STX7: variants seen among roughly 807,000 people sequenced by gnomAD.
The protein encoded by STX7 is syntaxin 7, also known as syntaxin-7.
STX7 carries 34 observed loss-of-function variants against 39.6 expected under a neutral mutation model. That is an observed-to-expected ratio of 0.86 (90% CI 0.65 to 1.14). STX7 has a LOEUF of 1.14. STX7 is among the 50% of genes most tolerant of loss of function. The pLI is 0.00. For synonymous variants in STX7, 119 were observed against 99.1 expected (o/e 1.20, Z -1.19); for missense variants, 284 against 310.4 (o/e 0.92, Z 0.64).
chr6:132,468,799 T>C (rs1774630002), intron 7 of STX7, among the ~76,000 whole-genome samples: 1 of 152,226 alleles, frequency 6.6e-6, no homozygotes, highest in Non-Finnish European at 1.5e-5. Flanking sequence ...TACAACCTGA[T>C]AGTTTTGTTA....
At chr6:132,502,627 C>T (rs185992185) in intron 2 of STX7, among the ~76,000 whole-genome samples, 22 of 147,850 alleles carry the variant, frequency 1.5e-4, no homozygotes, top group African/African-American at 4.4e-4. Flanking sequence ...TGGCCGGGCG[C>T]GGTGGCTCAC....
intron 1 of STX7, among the ~76,000 whole-genome samples, chr6:132,510,163 A>C (rs2114491980): frequency 6.6e-6 from 1 of 152,326 alleles, no homozygotes; most frequent in East Asian, 1.9e-4. Flanking sequence ...AGTGTTCTAT[A>C]CCCCTAAAAG....
rs1774170569 is a variant in STX7 at position 132,453,245 on chromosome 6, A to T, written c.*7513T>A. ...ACCTAAGTCTCACATTTTATACAAA[A>T]TTAACTGAAAATGGAATATAGACTT... On this transcript the variant is annotated 3_prime_UTR_variant, in exon 10 of 10. Coordinates refer to ENST00000367941, the MANE Select transcript of STX7 (RefSeq NM_003569.3). 1 of 152,178 alleles carries T rather than the reference A, an allele frequency of 6.6e-6. No individual in the cohort carries two copies. The highest frequency in any genetic ancestry group is 2.4e-5 in the African/African-American group (1 of 41,452). The allele number at this position is 152,178 out of a possible 1,614,324, so 9.4% of individuals were successfully genotyped here.
intron 1 of STX7, among the ~76,000 whole-genome samples, chr6:132,504,591 T>C (rs1328793746): frequency 6.6e-6 from 1 of 152,220 alleles, no homozygotes; most frequent in East Asian, 1.9e-4. Context: ...GCTAGCTCTC[T>C]ACTAAGAGCC....
chr6:132,463,206 T>C (rs1282886581), intron 9 of STX7, among the ~76,000 whole-genome samples: 1 of 151,726 alleles, frequency 6.6e-6, no homozygotes, highest in African/African-American at 2.4e-5. Context: ...AGACTCTGTG[T>C]CAAAAAAAAA....
chr6:132,493,885 A>G (rs1480052170), intron 2 of STX7, among the ~76,000 whole-genome samples: 1 of 152,244 alleles, frequency 6.6e-6, no homozygotes, highest in Non-Finnish European at 1.5e-5. Context: ...CTCACAGGGC[A>G]GTTGAGTAGC....
At chr6:132,466,111 G>C (rs372541947) in intron 8 of STX7, among the ~76,000 whole-genome samples, 4 of 152,160 alleles carry the variant, frequency 2.6e-5, no homozygotes, top group Admixed American at 1.3e-4. Flanking sequence ...ATTCTCTCTT[G>C]AGCCTACTTT....
At chr6:132,473,520 G>GT (rs398066285) in intron 3 of STX7, among the ~76,000 whole-genome samples, 34,867 of 136,082 alleles carry the variant, frequency 0.26, 4,527 homozygotes, top group African/African-American at 0.3. Flanking sequence ...TTATTGTGTT[G>GT]TTTTTTTTTT....
At chr6:132,489,792 T>C (rs1005363920) in intron 2 of STX7, among the ~76,000 whole-genome samples, 1 of 152,212 alleles carries the variant, frequency 6.6e-6, no homozygotes, top group African/African-American at 2.4e-5. Context: ...CACTTAATTT[T>C]CACTTTGTCA....
chr6:132,459,049 G>C lies in STX7; in HGVS notation c.*1709C>G, dbSNP rs1454118936. 1.3e-5 allele frequency: 2 copies of C among 152,212 alleles called. No homozygotes were observed. The highest frequency in any genetic ancestry group is 3.8e-4 in the East Asian group (2 of 5,196). 9.4% of individuals were successfully genotyped at this position (152,212 alleles called of 1,614,324 possible). A position where few individuals can be genotyped will look rare whatever the true frequency, so the allele number is the denominator to read the frequency against. ...GGATGGGACTTTAAAACAGCGGTAA[G>C]ACGCTGGTTTATCACCAGAAACCTC... On this transcript the variant is annotated 3_prime_UTR_variant, in exon 10 of 10. Coordinates refer to ENST00000367941, the MANE Select transcript of STX7 (RefSeq NM_003569.3).
chr6:132,473,010 T>TACAGATCCC (rs1384683244), intron 3 of STX7, among the ~76,000 whole-genome samples: 1 of 151,836 alleles, frequency 6.6e-6, no homozygotes, highest in Non-Finnish European at 1.5e-5. Flanking sequence ...ATAACAAAAA[T>TACAGATCCC]TAGGTAGGTG....
Position 132,457,432 on chromosome 6 carries a change from T to G in STX7, c.*3326A>C, listed in dbSNP as rs567354609. The G allele has an allele frequency of 2.6e-5, 4 of 152,340 alleles. No individual in the cohort carries two copies. Among genetic ancestry groups the G allele is most frequent in the African/African-American group, 9.6e-5 (4 of 41,576 alleles). The allele number at this position is 152,340 out of a possible 1,614,324, so 9.4% of individuals were successfully genotyped here. On this transcript the variant is annotated 3_prime_UTR_variant, in exon 10 of 10. Coordinates refer to ENST00000367941, the MANE Select transcript of STX7 (RefSeq NM_003569.3). ...ACAGTATTTTGAGGACACAAATTCC[T>G]AAATACTCAGAAAAAAATGGTTTTA...
In STX7 at chr6:132,451,552, T is replaced by A. The variant is rs562345583; in HGVS notation, c.*9206A>T. The A allele has an allele frequency of 1.3e-5, 2 of 152,084 alleles. No individual in the cohort carries two copies. The highest frequency in any genetic ancestry group is 6.6e-5 in the Admixed American group (1 of 15,258). The allele number at this position is 152,084 out of a possible 1,614,324, so 9.4% of individuals were successfully genotyped here. A position where few individuals can be genotyped will look rare whatever the true frequency, so the allele number is the denominator to read the frequency against. The stretch of plus-strand genomic sequence containing the variant: ...TTTGTTGCCAATGGAACTACAATAA[T>A]AATAATAAGGCTAAAGGAGTGCTCT... On this transcript the variant is annotated 3_prime_UTR_variant, in exon 10 of 10. Coordinates refer to ENST00000367941, the MANE Select transcript of STX7 (RefSeq NM_003569.3).
rs1417388998 is a variant in STX7 at position 132,458,354 on chromosome 6, A to C, written c.*2404T>G. On this transcript the variant is annotated 3_prime_UTR_variant, in exon 10 of 10. Coordinates refer to ENST00000367941, the MANE Select transcript of STX7 (RefSeq NM_003569.3). ...TAAAAAAACAAGCTACTCTAGTATC[A>C]ATATGACATCACTCTTTTACCATCA... The C allele has an allele frequency of 6.6e-6, 1 of 152,230 alleles. No individual in the cohort carries two copies. The allele number at this position is 152,230 out of a possible 1,614,324, so 9.4% of individuals were successfully genotyped here.
At chr6:132,483,631 T>G (rs1388414658) in intron 2 of STX7, among the ~76,000 whole-genome samples, 2 of 152,196 alleles carry the variant, frequency 1.3e-5, no homozygotes, top group Admixed American at 1.3e-4. Flanking sequence ...TTATAGCATA[T>G]TTGCTGCAAA....
rs964326715 is a variant in STX7 at position 132,457,834 on chromosome 6, A to G, written c.*2924T>C. ...AGCAAACCAGCCATGTGAAAGAAAT[A>G]AATTCAATTTTGACTTTCAAAAAAA... On this transcript the variant is annotated 3_prime_UTR_variant, in exon 10 of 10. Coordinates refer to ENST00000367941, the MANE Select transcript of STX7 (RefSeq NM_003569.3). 1 of 152,242 alleles carries G rather than the reference A, an allele frequency of 6.6e-6. No individual in the cohort carries two copies. The highest frequency in any genetic ancestry group is 1.5e-5 in the Non-Finnish European group (1 of 68,040). 9.4% of individuals were successfully genotyped at this position (152,242 alleles called of 1,614,324 possible).
At position 132,449,623 on chromosome 6, in the gene STX7, T is replaced by G. The variant is rs1205635740; in HGVS notation, c.*11135A>C. 3 of 152,212 alleles carry G rather than the reference T, an allele frequency of 2.0e-5. No individual in the cohort carries two copies. In the East Asian group the frequency reaches 5.8e-4, roughly 29 times the overall value. The allele number at this position is 152,212 out of a possible 1,614,324, so 9.4% of individuals were successfully genotyped here. ...TGTTGTTTCCTCAGTTAAAACTTGATAGTCAACAATTCCTTTAGTTGTGGT... is the reference window on the plus strand; with the variant it reads ...TGTTGTTTCCTCAGTTAAAACTTGAGAGTCAACAATTCCTTTAGTTGTGGT... On this transcript the variant is annotated 3_prime_UTR_variant, in exon 10 of 10. Coordinates refer to ENST00000367941, the MANE Select transcript of STX7 (RefSeq NM_003569.3).
chr6:132,456,365 T>C lies in STX7; in HGVS notation c.*4393A>G, dbSNP rs1774243955. The C allele has an allele frequency of 6.6e-6, 1 of 152,240 alleles. No homozygotes were observed. Among genetic ancestry groups the C allele is most frequent in the Non-Finnish European group, 1.5e-5 (1 of 68,052 alleles). The allele number at this position is 152,240 out of a possible 1,614,324, so 9.4% of individuals were successfully genotyped here. ...CTTTCACACAGCTATTTCCCTTCTTTTAACACACCAAGTTCTTTTTATATG... is the reference window on the plus strand; with the variant it reads ...CTTTCACACAGCTATTTCCCTTCTTCTAACACACCAAGTTCTTTTTATATG... On this transcript the variant is annotated 3_prime_UTR_variant, in exon 10 of 10. Transcript: ENST00000367941.
intron 9 of STX7, 105 bp downstream of exon 9, chr6:132,463,888 C>A (rs1019189736): frequency 1.9e-6 from 2 of 1,057,886 alleles, no homozygotes; most frequent in African/African-American, 1.6e-5. Context: ...ATTTTAACAT[C>A]TTCAGCCATT....
Sources: allele counts gnomAD v4.1 joint callset (sites outside exome capture counted in the v4.1 genomes callset), GRCh38; gene constraint gnomAD v4.1.1; transcripts MANE v1.5; gene names NCBI Gene and HGNC (gene_info 2026-07-23, HGNC 2026-07-21).